The following UBR4 variants were observed in gnomAD, a reference collection of about 807,000 sequenced individuals.
UBR4 encodes the protein E3 ubiquitin-protein ligase UBR4.
In UBR4, 124 loss-of-function variants were observed where a neutral mutation model predicts 575.6. That is an observed-to-expected ratio of 0.22 (90% CI 0.19 to 0.25). The LOEUF is 0.25. UBR4 is among the 10% of genes least tolerant of loss of function. The probability of loss-of-function intolerance (pLI) is 1.00; values close to 1 mark genes in which losing one functional copy is unlikely to be tolerated. For synonymous variants in UBR4, 2,455 were observed against 2,473.7 expected (o/e 0.99, Z 0.22); for missense variants, 4,818 against 6,478.8 (o/e 0.74, Z 8.80).
At chr1:19,103,393 C>T (rs1269039644) in intron 87 of UBR4, among the ~76,000 whole-genome samples, 2 of 152,008 alleles carry the variant, frequency 1.3e-5, no homozygotes, top group Non-Finnish European at 2.9e-5. Context: ...GGAGAAATCC[C>T]GTCTCTACTA....
At chr1:19,114,982 G>T in intron 74 of UBR4, 33 bp from the exon 75 acceptor site, 2 of 1,613,656 alleles carry the variant, frequency 1.2e-6, no homozygotes, top group Non-Finnish European at 1.7e-6. Flanking sequence ...TCAGTAAGGT[G>T]ACAAGGCTGG....
chr1:19,075,697 T>C (rs1409750940), intron 105 of UBR4, among the ~76,000 whole-genome samples: 2 of 152,160 alleles, frequency 1.3e-5, no homozygotes, highest in Non-Finnish European at 2.9e-5. Context: ...ACAGAGCTGT[T>C]TGGGAAAATC....
intron 103 of UBR4, chr1:19,079,558 G>A (rs2076282460): frequency 6.6e-6 from 1 of 152,248 alleles, no homozygotes; most frequent in Non-Finnish European, 1.5e-5. Flanking sequence ...GTGCAGAAGA[G>A]GCCAGCTTCT....
chr1:19,151,027 A>G (rs1440032047), intron 48 of UBR4: 1 of 568,276 alleles, frequency 1.8e-6, no homozygotes, highest in Non-Finnish European at 3.1e-6. Context: ...AAGAGTCCCT[A>G]ACCATCACTG....
intron 74 of UBR4, 132 bp downstream of exon 74, chr1:19,115,266 C>A: frequency 7.4e-7 from 1 of 1,351,502 alleles, no homozygotes; most frequent in South Asian, 1.5e-5. Flanking sequence ...ACCCTTGAAC[C>A]CACTCTACAA....
At chr1:19,199,869 A>G (rs12122656) in intron 2 of UBR4, 115 bp from the exon 3 acceptor site, 100,870 of 980,470 alleles carry the variant, frequency 0.1, 5,804 homozygotes, top group Non-Finnish European at 0.12. Flanking sequence ...ACAATTATTC[A>G]GAGCCAAAAA....
chr1:19,180,762 A>G (rs1370153183), intron 17 of UBR4, among the ~76,000 whole-genome samples: 1 of 152,098 alleles, frequency 6.6e-6, no homozygotes, highest in African/African-American at 2.4e-5. Flanking sequence ...CAGAGCCACA[A>G]AAATGAGTTA....
chr1:19,165,288 T>G lies in UBR4; in HGVS notation c.4273A>C (p.Asn1425His). The G allele has an allele frequency of 6.2e-7, 1 of 1,614,238 alleles. No individual in the cohort carries two copies. Among genetic ancestry groups the G allele is most frequent in the Non-Finnish European group, 8.5e-7 (1 of 1,180,038 alleles). ...ANENLSAKFC[N>H]RVLKFFTKLF... ...TTGGTGAAGAATTTCAAAACTCGGT[T>G]ACAGAATTTAGCAGAGAGGTTCTCA... Residue 1425 changes from asparagine (N) to histidine (H), a missense_variant, in exon 31 of 106, where the codon AAC becomes CAC. Physicochemically the swap from Asn to His is moderately conservative, Grantham distance 68. This residue lies in a region of UBR4 where 1,172 missense variants were observed against 1,259.7 expected (regional missense o/e 0.93). Transcript: ENST00000375254.
At chr1:19,158,552 G>A (rs770477114) in intron 39 of UBR4, among the ~76,000 whole-genome samples, 3 of 151,852 alleles carry the variant, frequency 2.0e-5, no homozygotes, top group East Asian at 1.9e-4. Context: ...CGAATTCCCC[G>A]GTTCAGGCAA....
chr1:19,168,989 A>AAG (rs2089022866), intron 27 of UBR4, among the ~76,000 whole-genome samples: 1 of 152,060 alleles, frequency 6.6e-6, no homozygotes, highest in African/African-American at 2.4e-5. Flanking sequence ...AAAAAAAAAA[A>AAG]AAAGAAGACT....
chr1:19,141,509 G>A lies in UBR4; in HGVS notation c.8326C>T (p.Leu2776=), dbSNP rs746783382. The A allele has an allele frequency of 6.2e-7, 1 of 1,609,342 alleles. No homozygotes were observed. The highest frequency in any genetic ancestry group is 1.1e-5 in the South Asian group (1 of 90,138). Reference sequence around the variant, plus strand: ...TTGTTGACATTTTCAGCTGTCTCCAGGACCATCGACTCAGACTGCAGAGAG... The same window carrying A: ...TTGTTGACATTTTCAGCTGTCTCCAAGACCATCGACTCAGACTGCAGAGAG... ...DFEMVSESMV[L]ETAENVNNGN... is the part of the protein sequence containing the mutation. The change falls in exon 57 of 106, where the codon CTG becomes TTG. Residue 2776 remains leucine (L), a synonymous_variant. Transcript: ENST00000375254.
At chr1:19,181,410 TC>T (rs1571548729) in intron 17 of UBR4, among the ~76,000 whole-genome samples, 1 of 151,944 alleles carries the variant, frequency 6.6e-6, no homozygotes, top group East Asian at 1.9e-4. Context: ...CCAAACCAAC[TC>T]CCCTTCCTGA....
rs2092654395 is a variant in UBR4, at chr1:19,199,760, A to G, written c.275-6T>C. 3 of 1,613,140 alleles carry G rather than the reference A, an allele frequency of 1.9e-6. No individual in the cohort carries two copies. Among genetic ancestry groups the G allele is most frequent in the Non-Finnish European group, 2.5e-6 (3 of 1,179,242 alleles). On this transcript the variant is annotated splice_polypyrimidine_tract_variant and splice_region_variant and intron_variant, in intron 2 of 105. Transcript: ENST00000375254. ...CTGAAGTTGGTTCCGGGGAACTGAGAAAGTAATAAACATTACTCAATTTCA... is the reference window on the plus strand; with the variant it reads ...CTGAAGTTGGTTCCGGGGAACTGAGGAAGTAATAAACATTACTCAATTTCA...
At position 19,164,269 on chromosome 1, in the gene UBR4, C is replaced by T; in HGVS notation, c.4684G>A (p.Asp1562Asn). Reference sequence around the variant, plus strand: ...TCATCTTACCATCTGCTCAGCCAATCCACAGCAGCATTATGAAGCTGAAGG... The same window carrying T: ...TCATCTTACCATCTGCTCAGCCAATTCACAGCAGCATTATGAAGCTGAAGG... ...GHLQLHNAAVDWLSRCKKYLS... is the reference protein window; with the variant it reads ...GHLQLHNAAVNWLSRCKKYLS... The change falls in exon 33 of 106, where the codon GAT becomes AAT. Residue 1562 changes from aspartate (D) to asparagine (N), a missense_variant. Asp to Asn is a conservative substitution (Grantham distance 23). This residue lies in a region of UBR4 where 1,172 missense variants were observed against 1,259.7 expected (regional missense o/e 0.93). Coordinates refer to ENST00000375254, the MANE Select transcript of UBR4 (RefSeq NM_020765.3). 2 of 1,613,566 alleles carry T rather than the reference C, an allele frequency of 1.2e-6. No individual in the cohort carries two copies. Among genetic ancestry groups the T allele is most frequent in the South Asian group, 2.2e-5 (2 of 91,018 alleles).
chr1:19,136,531 G>T (rs2149845277), intron 60 of UBR4, among the ~76,000 whole-genome samples: 1 of 152,190 alleles, frequency 6.6e-6, no homozygotes, highest in East Asian at 1.9e-4. Flanking sequence ...AGGAAAAAAG[G>T]AAAGAAACAG....
chr1:19,113,344 C>A (rs1306090203), intron 77 of UBR4: 4 of 305,856 alleles, frequency 1.3e-5, no homozygotes, highest in African/African-American at 2.1e-5. Flanking sequence ...CTACAGCCTG[C>A]AAACACGGCG....
intron 104 of UBR4, 46 bp from the exon 105 acceptor site, chr1:19,076,948 G>A (rs2076003533): frequency 6.6e-7 from 1 of 1,516,872 alleles, no homozygotes; most frequent in Admixed American, 2.3e-5. Flanking sequence ...ACTTACTGCT[G>A]CCTCATCTTC....
chr1:19,111,908 C>G (rs1326893790), intron 78 of UBR4: 1 of 152,330 alleles, frequency 6.6e-6, no homozygotes, highest in Non-Finnish European at 1.5e-5. Context: ...GCATGAGCCA[C>G]AGCACCTGGC....
In UBR4 at chr1:19,163,756, T is replaced by C. The variant is rs947013921; in HGVS notation, c.4764+8A>G. ...TCACCCCCCATTGTCATTCCTCACT[T>C]TTCTTACCTTTCCATGCATTACATT... On this transcript the variant is annotated splice_region_variant and intron_variant, in intron 34 of 105. Coordinates refer to ENST00000375254, the MANE Select transcript of UBR4 (RefSeq NM_020765.3). 3.1e-6 allele frequency: 5 copies of C among 1,613,908 alleles called. No homozygotes were observed. The highest frequency in any genetic ancestry group is 3.4e-6 in the Non-Finnish European group (4 of 1,179,888).
Sources: gnomAD v4.1 joint callset for allele counts (sites outside exome capture counted in the v4.1 genomes callset) on GRCh38, gnomAD v4.1.1 for gene constraint, gnomAD v4.1.1 regional missense constraint, MANE v1.5 for transcripts, NCBI Gene and HGNC (gene_info 2026-07-23, HGNC 2026-07-21) for gene names.